PRKX: variants seen among roughly 807,000 people sequenced by gnomAD.
The protein encoded by PRKX is cAMP-dependent protein kinase catalytic subunit PRKX.
Under a neutral mutation model 22.0 loss-of-function variants are expected in PRKX, and 12 were observed. That is an observed-to-expected ratio of 0.54 (90% CI 0.35 to 0.88). PRKX has a LOEUF of 0.88. Among genes scored for constraint, PRKX ranks in the 40% least tolerant of loss-of-function variants. The pLI, the probability that PRKX is intolerant of heterozygous loss-of-function variation, is 0.01. For synonymous variants in PRKX, 134 were observed against 137.7 expected (o/e 0.97, Z 0.19); for missense variants, 217 against 308.0 (o/e 0.70, Z 2.21).
chrX:3,692,333 C>T (rs1928347684), intron 1 of PRKX, among the ~76,000 whole-genome samples: 1 of 110,109 alleles, frequency 9.1e-6, no homozygotes, highest in South Asian at 4.0e-4. Flanking sequence ...ACAACTGTCC[C>T]CAGACACTGT....
At chrX:3,630,491 C>A (rs1484919311) in intron 4 of PRKX, among the ~76,000 whole-genome samples, 1 of 111,435 alleles carries the variant, frequency 9.0e-6, no homozygotes, top group Admixed American at 9.5e-5. Flanking sequence ...ACCCGGGAGG[C>A]GGAGCTTGCA....
chrX:3,711,496 G>A (rs764307454), intron 1 of PRKX, among the ~76,000 whole-genome samples: 11 of 112,093 alleles, frequency 9.8e-5, no homozygotes, highest in East Asian at 2.8e-4. Context: ...TCTCTGCCCC[G>A]GCCTCCAGCC....
chrX:3,648,578 GT>G (rs766859971), intron 3 of PRKX, among the ~76,000 whole-genome samples: 1 of 103,083 alleles, frequency 9.7e-6, no homozygotes, highest in Non-Finnish European at 2.0e-5. Context: ...GGGCCATAAG[GT>G]TTCAATGTGA....
At chrX:3,621,711 G>A (rs1035039913) in intron 5 of PRKX, among the ~76,000 whole-genome samples, 1 of 111,961 alleles carries the variant, frequency 8.9e-6, no homozygotes, top group African/African-American at 3.2e-5. Flanking sequence ...GCTGTCCTGG[G>A]GGTCTGCTTA....
At chrX:3,625,520 A>C (rs1008636015) in intron 5 of PRKX, among the ~76,000 whole-genome samples, 3 of 112,480 alleles carry the variant, frequency 2.7e-5, no homozygotes, top group Non-Finnish European at 5.6e-5. Flanking sequence ...TGCTTATTAC[A>C]GTAAAAATGG....
chrX:3,628,240 C>G (rs762116021), intron 4 of PRKX, among the ~76,000 whole-genome samples: 1 of 110,529 alleles, frequency 9.0e-6, no homozygotes, highest in Admixed American at 9.8e-5. Context: ...GGATACTAGA[C>G]GCTGGGAAGG....
Position 3,621,514 on chromosome X carries a change from C to T in PRKX, c.816-198G>A, listed in dbSNP as rs151335432. On this transcript the variant is annotated intron_variant, in intron 5 of 8. Coordinates refer to ENST00000262848, the MANE Select transcript of PRKX (RefSeq NM_005044.5). ...TCACCTATGCAAGGCTGGGTTGCCC[C>T]GTGCAAGGCTGAAGCTAAGGGAAGG... is the stretch of plus-strand genomic sequence containing the variant. Among the ~76,000 whole-genome samples the T allele has an allele frequency of 7.1e-5, 8 of 112,052 alleles. No homozygotes were observed. In the East Asian group the frequency reaches 2.0e-3, roughly 27 times the overall value.
intron 4 of PRKX, among the ~76,000 whole-genome samples, chrX:3,629,420 T>G (rs1277110842): frequency 2.8e-5 from 3 of 108,295 alleles, no homozygotes; most frequent in Admixed American, 1.0e-4. Flanking sequence ...TTTTGTTTTT[T>G]TTTTTTTTTT....
At chrX:3,625,550 G>C (rs1188868062) in intron 5 of PRKX, among the ~76,000 whole-genome samples, 2 of 110,788 alleles carry the variant, frequency 1.8e-5, no homozygotes, top group Non-Finnish European at 3.8e-5. Context: ...GACCAGATTG[G>C]GTAAGGTAGC....
chrX:3,692,846 T>C (rs1399931762), intron 1 of PRKX, among the ~76,000 whole-genome samples: 3 of 111,598 alleles, frequency 2.7e-5, no homozygotes, highest in African/African-American at 6.5e-5. Context: ...TGAACTTTTA[T>C]TGCATTTAAT....
intron 2 of PRKX, among the ~76,000 whole-genome samples, chrX:3,656,181 C>T (rs375811986): frequency 7.2e-5 from 8 of 110,768 alleles, no homozygotes; most frequent in Admixed American, 1.9e-4. Context: ...GATATCTATA[C>T]GTATAGATGT....
chrX:3,666,738 T>C (rs1927737472), intron 2 of PRKX, among the ~76,000 whole-genome samples: 1 of 109,570 alleles, frequency 9.1e-6, no homozygotes, highest in African/African-American at 3.3e-5. Flanking sequence ...CGAGACCCTG[T>C]CTCTACCAAA....
At chrX:3,653,577 T>C in intron 3 of PRKX, among the ~76,000 whole-genome samples, 1 of 99,669 alleles carries the variant, frequency 1.0e-5, no homozygotes, top group Non-Finnish European at 2.0e-5. Context: ...TATAGTATGA[T>C]ATAGGTATAC....
chrX:3,639,548 GTGGA>G (rs1213659636), intron 4 of PRKX, among the ~76,000 whole-genome samples: 2 of 73,813 alleles, frequency 2.7e-5, no homozygotes, highest in Non-Finnish European at 5.2e-5. Context: ...GGGTGGGTGG[GTGGA>G]TGGATGAAGG....
intron 4 of PRKX, among the ~76,000 whole-genome samples, chrX:3,629,409 G>GT (rs1357604444): frequency 5.3e-4 from 56 of 106,424 alleles, no homozygotes; most frequent in African/African-American, 1.8e-3. Context: ...CCACGCCAGG[G>GT]TTTTGTTTTT....
chrX:3,690,991 C>T lies in PRKX; in HGVS notation c.167-16225G>A, dbSNP rs139093460. Reference sequence around the variant, plus strand: ...AAAGATACATCCTAGCCTACCTCCACGATAGTGTTGCGGGATAAATCAGAG... The same window carrying T: ...AAAGATACATCCTAGCCTACCTCCATGATAGTGTTGCGGGATAAATCAGAG... On this transcript the variant is annotated intron_variant, in intron 1 of 8. Transcript: ENST00000262848. Among the ~76,000 whole-genome samples the T allele has an allele frequency of 9.1e-4, 102 of 111,565 alleles. No individual in the cohort carries two copies. The East Asian group carries it at 0.019, about 21-fold the overall frequency.
chrX:3,713,032 C>T (rs1275946571), intron 1 of PRKX, 56 bp downstream of exon 1: 5 of 1,111,927 alleles, frequency 4.5e-6, no homozygotes, highest in African/African-American at 1.9e-5. Context: ...CCTACTACAA[C>T]GTCCCGGCCA....
At chrX:3,685,059 C>T (rs1453259595) in intron 1 of PRKX, among the ~76,000 whole-genome samples, 2 of 111,391 alleles carry the variant, frequency 1.8e-5, no homozygotes, top group Non-Finnish European at 3.8e-5. Flanking sequence ...TCAAGTGATT[C>T]GCCTGCCTCA....
chrX:3,692,225 C>T (rs1448783321), intron 1 of PRKX, among the ~76,000 whole-genome samples: 2 of 109,685 alleles, frequency 1.8e-5, no homozygotes, highest in Non-Finnish European at 3.8e-5. Flanking sequence ...CTGGATGATT[C>T]TCTGTAGGGC....
Sources: gnomAD v4.1 joint callset for allele counts (sites outside exome capture counted in the v4.1 genomes callset) on GRCh38, gnomAD v4.1.1 for gene constraint, MANE v1.5 for transcripts, NCBI Gene and HGNC (gene_info 2026-07-23, HGNC 2026-07-21) for gene names.